The following LDLRAD4 variants were observed in gnomAD, a reference collection of about 807,000 sequenced individuals.
The protein encoded by LDLRAD4 is low density lipoprotein receptor class A domain containing 4.
In LDLRAD4, 5 loss-of-function variants were observed where a neutral mutation model predicts 17.0. The observed-to-expected ratio is 0.29, with a 90% CI of 0.15 to 0.62. The LOEUF (loss-of-function observed/expected upper bound fraction) is 0.62. Ranked by LOEUF, LDLRAD4 falls within the 20% of genes least tolerant of loss-of-function variation. LDLRAD4 has a pLI of 0.84. For missense variants in LDLRAD4, 340 were observed against 424.7 expected, an observed-to-expected ratio of 0.80 and a Z score of 1.75; for synonymous variants, 168 against 171.8, an observed-to-expected ratio of 0.98 and a Z score of 0.17.
chr18:13,430,370 G>A (rs957093743), intron 2 of LDLRAD4, among the ~76,000 whole-genome samples: 24 of 152,310 alleles, frequency 1.6e-4, no homozygotes, highest in Non-Finnish European at 2.6e-4. Flanking sequence ...GGTTAGTCCC[G>A]ATGAGGGTGT....
rs548023473 is a variant in LDLRAD4, at chr18:13,429,703, G to T, written c.41-8541G>T. Among the ~76,000 whole-genome samples the T allele has an allele frequency of 3.3e-5, 5 of 151,476 alleles. No homozygotes were observed. In the East Asian group the frequency reaches 9.7e-4, roughly 29 times the overall value. ...GAGGCTTTCAGGCCTTTCAGCCAGG[G>T]GATGCCCTTGTTCAGTGAACCCTCC... On this transcript the variant is annotated intron_variant, in intron 2 of 5. Coordinates refer to ENST00000359446, the Ensembl canonical transcript of LDLRAD4.
chr18:13,559,470 A>G (rs1172759158), intron 3 of LDLRAD4, among the ~76,000 whole-genome samples: 1 of 152,140 alleles, frequency 6.6e-6, no homozygotes, highest in African/African-American at 2.4e-5. Flanking sequence ...ATTAGTCTCT[A>G]TTTGTCTAGA....
At chr18:13,598,956 G>A (rs1313408212) in intron 3 of LDLRAD4, among the ~76,000 whole-genome samples, 1 of 152,190 alleles carries the variant, frequency 6.6e-6, no homozygotes, top group East Asian at 1.9e-4. Flanking sequence ...AATGAACTGG[G>A]CTAGAAGCAG....
chr18:13,311,958 A>G (rs188090700), intron 1 of LDLRAD4, among the ~76,000 whole-genome samples: 205 of 151,824 alleles, frequency 1.4e-3, no homozygotes, highest in South Asian at 2.3e-3. Context: ...CAGCCTCCCG[A>G]GTAGCTGGGA....
chr18:13,422,315 C>T (rs181474448), intron 2 of LDLRAD4, among the ~76,000 whole-genome samples: 64 of 152,274 alleles, frequency 4.2e-4, no homozygotes, highest in South Asian at 1.7e-3. Flanking sequence ...AGCCCCAAAT[C>T]CGGAGAAATA....
At chr18:13,289,348 T>A (rs1392861983) in intron 1 of LDLRAD4, among the ~76,000 whole-genome samples, 1 of 152,228 alleles carries the variant, frequency 6.6e-6, no homozygotes. Flanking sequence ...CCTAGACTAT[T>A]TGTGGTGACT....
At chr18:13,444,586 T>C in intron 3 of LDLRAD4, among the ~76,000 whole-genome samples, 1 of 152,184 alleles carries the variant, frequency 6.6e-6, no homozygotes. Context: ...CCCCAAATTG[T>C]TCAAAGGTCA....
chr18:13,528,011 TC>T (rs2094061510), intron 3 of LDLRAD4, among the ~76,000 whole-genome samples: 1 of 152,198 alleles, frequency 6.6e-6, no homozygotes, highest in Non-Finnish European at 1.5e-5. Flanking sequence ...GCTGGGACAC[TC>T]CCTCCTGGCT....
intron 3 of LDLRAD4, among the ~76,000 whole-genome samples, chr18:13,566,392 C>G (rs1601429583): frequency 1.4e-5 from 2 of 143,488 alleles, no homozygotes; most frequent in East Asian, 2.1e-4. Context: ...GAGACAGAGT[C>G]TCGCTCTGTT....
intron 1 of LDLRAD4, among the ~76,000 whole-genome samples, chr18:13,269,843 T>C (rs1357068835): frequency 6.6e-6 from 1 of 152,232 alleles, no homozygotes; most frequent in African/African-American, 2.4e-5. Context: ...CCCTTGGATG[T>C]TCTGTCCTCC....
At chr18:13,330,792 C>A (rs1191106769) in intron 1 of LDLRAD4, among the ~76,000 whole-genome samples, 1 of 152,176 alleles carries the variant, frequency 6.6e-6, no homozygotes, top group African/African-American at 2.4e-5. Flanking sequence ...AAGATTGGAA[C>A]CTTCAGCCCA....
intron 1 of LDLRAD4, among the ~76,000 whole-genome samples, chr18:13,360,917 G>A (rs1460960524): frequency 6.6e-6 from 1 of 152,224 alleles, no homozygotes; most frequent in African/African-American, 2.4e-5. Flanking sequence ...TTTCTCCAGA[G>A]GAGGAGGCAG....
chr18:13,634,531 T>C (rs1568435392), intron 4 of LDLRAD4, among the ~76,000 whole-genome samples: 1 of 152,176 alleles, frequency 6.6e-6, no homozygotes, highest in Admixed American at 6.5e-5. Flanking sequence ...ACTTGTGCAC[T>C]GAGCAATAGA....
intron 3 of LDLRAD4, among the ~76,000 whole-genome samples, chr18:13,506,064 G>C (rs1360557208): frequency 6.6e-6 from 1 of 152,080 alleles, no homozygotes; most frequent in Non-Finnish European, 1.5e-5. Flanking sequence ...ATCTCCAAGA[G>C]TTTCTTTAAT....
intron 3 of LDLRAD4, among the ~76,000 whole-genome samples, chr18:13,601,211 G>T (rs2095156927): frequency 6.6e-6 from 1 of 152,148 alleles, no homozygotes; most frequent in African/African-American, 2.4e-5. Flanking sequence ...GCAGAAATCT[G>T]ATGTTATAAT....
At chr18:13,595,196 C>A (rs745984040) in intron 3 of LDLRAD4, among the ~76,000 whole-genome samples, 8 of 151,808 alleles carry the variant, frequency 5.3e-5, no homozygotes, top group Non-Finnish European at 1.2e-4. Flanking sequence ...TGTTGATTTT[C>A]TCTATTTTTC....
chr18:13,418,319 G>A (rs899298080), intron 2 of LDLRAD4, among the ~76,000 whole-genome samples: 2 of 152,230 alleles, frequency 1.3e-5, no homozygotes, highest in Non-Finnish European at 2.9e-5. Context: ...TCCTTATAGG[G>A]AGCCTCTCAT....
At chr18:13,243,416 A>G (rs1325940839) in intron 1 of LDLRAD4, among the ~76,000 whole-genome samples, 2 of 151,688 alleles carry the variant, frequency 1.3e-5, no homozygotes, top group African/African-American at 4.8e-5. Flanking sequence ...CCACCCACCT[A>G]TCCATCCATC....
chr18:13,386,805 A>G (rs1018089404), intron 1 of LDLRAD4, among the ~76,000 whole-genome samples: 1 of 152,196 alleles, frequency 6.6e-6, no homozygotes, highest in African/African-American at 2.4e-5. Flanking sequence ...TAATCCTAGC[A>G]CTTTGGGAGG....
Sources: gnomAD v4.1 joint callset for allele counts (sites outside exome capture counted in the v4.1 genomes callset) on GRCh38, gnomAD v4.1.1 for gene constraint, MANE v1.5 for transcripts, NCBI Gene and HGNC (gene_info 2026-07-23, HGNC 2026-07-21) for gene names.